Variants in MAF observed in about 807,000 individuals in gnomAD.
MAF encodes the protein MAF bZIP transcription factor, also known as transcription factor Maf.
In MAF, 10 loss-of-function variants were observed where a neutral mutation model predicts 22.0. That is an observed-to-expected ratio of 0.45 (90% CI 0.28 to 0.77). The LOEUF (loss-of-function observed/expected upper bound fraction) is 0.77. MAF is among the 30% of genes least tolerant of loss of function. The pLI, the probability that MAF is intolerant of heterozygous loss-of-function variation, is 0.12. For missense variants in MAF, 544 were observed against 548.4 expected (o/e 0.99, Z 0.08); for synonymous variants, 337 against 255.8 (o/e 1.32, Z -3.03).
chr16:79,408,420 C>A, the MAF span, among the ~76,000 whole-genome samples: 3 of 152,256 alleles, frequency 2.0e-5, no homozygotes, highest in South Asian at 6.2e-4. Flanking sequence ...AGGTGATCTG[C>A]CCGCCTCAGC....
At chr16:79,410,484 T>C in the MAF span, among the ~76,000 whole-genome samples, 1 of 152,244 alleles carries the variant, frequency 6.6e-6, no homozygotes. Flanking sequence ...AATTCACCTA[T>C]GTGGTCCACA....
the MAF span, among the ~76,000 whole-genome samples, chr16:79,213,055 G>C: frequency 6.6e-6 from 1 of 152,194 alleles, no homozygotes; most frequent in Non-Finnish European, 1.5e-5. Context: ...CTCTATGTTT[G>C]AGAATGGGAG....
At chr16:79,350,378 A>G in the MAF span, among the ~76,000 whole-genome samples, 1 of 152,218 alleles carries the variant, frequency 6.6e-6, no homozygotes, top group East Asian at 1.9e-4. Flanking sequence ...CCCCAGCAAT[A>G]GGATTTGAGT....
chr16:79,538,412 T>C, the MAF span, among the ~76,000 whole-genome samples: 4 of 152,134 alleles, frequency 2.6e-5, no homozygotes, highest in East Asian at 3.9e-4. Context: ...AAATTCTAAA[T>C]GCACTGAATA....
the MAF span, among the ~76,000 whole-genome samples, chr16:79,494,909 C>T: frequency 2.0e-5 from 3 of 152,220 alleles, no homozygotes; most frequent in East Asian, 3.9e-4. Flanking sequence ...CACAAAAAGT[C>T]AGAGAAATAT....
At chr16:79,386,194 G>A in the MAF span, among the ~76,000 whole-genome samples, 1 of 152,246 alleles carries the variant, frequency 6.6e-6, no homozygotes, top group South Asian at 2.1e-4. Context: ...TACATTTATT[G>A]TGCACTTTAT....
the MAF span, among the ~76,000 whole-genome samples, chr16:79,371,866 C>G: frequency 1.3e-5 from 2 of 152,204 alleles, no homozygotes; most frequent in African/African-American, 4.8e-5. Context: ...TGATCTTGGG[C>G]AGAGAGGAGT....
chr16:79,501,909 C>G, the MAF span, among the ~76,000 whole-genome samples: 2 of 152,178 alleles, frequency 1.3e-5, no homozygotes, highest in Non-Finnish European at 2.9e-5. Flanking sequence ...TTTTCCCCCG[C>G]CAGCGGCTTG....
the MAF span, among the ~76,000 whole-genome samples, chr16:79,411,178 C>T: frequency 6.6e-6 from 1 of 152,122 alleles, no homozygotes; most frequent in Non-Finnish European, 1.5e-5. Context: ...TTTTGTTCGC[C>T]TTGCAGTTTT....
At chr16:79,598,241 A>C in intron 1 of MAF, 1 of 1,063,322 alleles carries the variant, frequency 9.4e-7, no homozygotes, top group Non-Finnish European at 1.1e-6. Context: ...GGTGGGCAAC[A>C]CAGCAAGCTC....
the MAF span, among the ~76,000 whole-genome samples, chr16:79,387,929 C>G: frequency 6.6e-6 from 1 of 152,208 alleles, no homozygotes; most frequent in Non-Finnish European, 1.5e-5. Flanking sequence ...ACATAGTTAA[C>G]TGAGTTCATA....
chr16:79,364,973 G>C, the MAF span, among the ~76,000 whole-genome samples: 1 of 152,228 alleles, frequency 6.6e-6, no homozygotes, highest in African/African-American at 2.4e-5. Context: ...CACTGAAGGA[G>C]TGGGAAGGGA....
At chr16:79,299,144 T>G in the MAF span, among the ~76,000 whole-genome samples, 25 of 152,294 alleles carry the variant, frequency 1.6e-4, no homozygotes, top group East Asian at 4.9e-3. Flanking sequence ...TGTCATTTTA[T>G]ACAGCCCTGT....
At chr16:79,258,342 C>T in the MAF span, among the ~76,000 whole-genome samples, 2 of 152,198 alleles carry the variant, frequency 1.3e-5, no homozygotes, top group African/African-American at 4.8e-5. Context: ...CCATGGGGAC[C>T]AGGGTCTGCT....
the MAF span, among the ~76,000 whole-genome samples, chr16:79,400,730 C>A: frequency 6.6e-6 from 1 of 152,264 alleles, no homozygotes; most frequent in Non-Finnish European, 1.5e-5. Context: ...TTGATAGAGA[C>A]CCTATACCCG....
At chr16:79,329,287 A>G in the MAF span, among the ~76,000 whole-genome samples, 4 of 152,280 alleles carry the variant, frequency 2.6e-5, no homozygotes, top group East Asian at 5.8e-4. Flanking sequence ...GTGACTGAGA[A>G]ATGGATGGTA....
At chr16:79,583,091 C>G (rs975250967), downstream of MAF, among the ~76,000 whole-genome samples, 4 of 152,178 alleles carry the variant, frequency 2.6e-5, no homozygotes, top group East Asian at 5.8e-4. Context: ...AGTAGCTATA[C>G]ACGTTGCGCT....
the MAF span, among the ~76,000 whole-genome samples, chr16:79,235,945 C>G: frequency 0.072 from 11,006 of 151,982 alleles, 587 homozygotes; most frequent in Middle Eastern, 0.15. Context: ...TCCAGGGTGT[C>G]CTTCCCATTT....
chr16:79,275,222 G>T, the MAF span, among the ~76,000 whole-genome samples: 1 of 152,116 alleles, frequency 6.6e-6, no homozygotes, highest in South Asian at 2.1e-4. Context: ...TGGGTGTGGT[G>T]GTGCACGCTT....
Sources: gnomAD v4.1 joint callset for allele counts (sites outside exome capture counted in the v4.1 genomes callset) on GRCh38, gnomAD v4.1.1 for gene constraint, MANE v1.5 for transcripts, NCBI Gene and HGNC (gene_info 2026-07-23, HGNC 2026-07-21) for gene names.